The following EPB41L2 variants were observed in gnomAD, a reference collection of about 807,000 sequenced individuals.
EPB41L2 encodes the protein erythrocyte membrane protein band 4.1 like 2, also known as band 4.1-like protein 2.
Under a neutral mutation model 113.0 loss-of-function variants are expected in EPB41L2, and 43 were observed. That is an observed-to-expected ratio of 0.38 (90% CI 0.30 to 0.49). The LOEUF (loss-of-function observed/expected upper bound fraction) is 0.49. Ranked by LOEUF, EPB41L2 falls within the 20% of genes least tolerant of loss-of-function variation. EPB41L2 has a pLI of 0.95. For missense variants in EPB41L2, 1,147 were observed against 1,223.4 expected (o/e 0.94, Z 0.93); for synonymous variants, 442 against 436.7 (o/e 1.01, Z -0.15).
intron 19 of EPB41L2, among the ~76,000 whole-genome samples, chr6:130,849,188 C>T (rs1778020664): frequency 6.6e-6 from 1 of 152,200 alleles, no homozygotes; most frequent in Non-Finnish European, 1.5e-5. Context: ...GCCACACCTA[C>T]TAAGCTCCAG....
rs1015825386 is a variant in EPB41L2 at position 130,939,884 on chromosome 6, T to C, written c.706-13175A>G. 7.9e-5 allele frequency among the ~76,000 whole-genome samples: 12 copies of C among 152,326 alleles called. No homozygotes were observed. The South Asian group carries it at 2.3e-3, about 29-fold the overall frequency. On this transcript the variant is annotated intron_variant, in intron 3 of 19. Transcript: ENST00000337057. ...TGCTCATCGTTCAACTTTTATTAAG[T>C]AGAAAATAGACTTCCAATTAAAGAT...
chr6:130,880,636 A>G, intron 12 of EPB41L2: 1 of 466,236 alleles, frequency 2.1e-6, no homozygotes, highest in Admixed American at 3.9e-5. Context: ...GCAGAATATT[A>G]AGCCTCTTTG....
Position 131,051,465 on chromosome 6 carries a change from A to AAAACAC in EPB41L2, c.-15+11689_-15+11690insGTGTTT, listed in dbSNP as rs770424797. Among the ~76,000 whole-genome samples the AAAACAC allele has an allele frequency of 1.3e-4, 18 of 143,636 alleles. No individual in the cohort carries two copies. The East Asian group carries it at 3.3e-3, about 26-fold the overall frequency. 94.2% of individuals were successfully genotyped at this position (143,636 alleles called of 152,430 possible). ...ACAAAAGTAAAGCAAAAAAAAAAAA[A>AAAACAC]ACACACACACACACACACACAACAG... On this transcript the variant is annotated intron_variant, in intron 1 of 19. Transcript: ENST00000337057.
At chr6:131,054,140 C>T (rs192259497) in intron 1 of EPB41L2, among the ~76,000 whole-genome samples, 23 of 152,340 alleles carry the variant, frequency 1.5e-4, no homozygotes, top group Non-Finnish European at 3.1e-4. Context: ...AGGCCTGTAG[C>T]TAGAATCCAT....
At chr6:130,900,256 TG>T (rs1795931299) in intron 7 of EPB41L2, among the ~76,000 whole-genome samples, 1 of 152,042 alleles carries the variant, frequency 6.6e-6, no homozygotes, top group Non-Finnish European at 1.5e-5. Flanking sequence ...GAAAAATCAA[TG>T]AATGTGGCCT....
rs773864171 is a variant in EPB41L2 at position 130,894,946 on chromosome 6, A to G, written c.1389+21T>C. On this transcript the variant is annotated intron_variant, in intron 9 of 19. Coordinates refer to ENST00000337057, the MANE Select transcript of EPB41L2 (RefSeq NM_001431.4). ...TAAACAGGCCGACTAACAACAACTG[A>G]TTAGAAATGTCTTGGCTTACCTCTG... 6 of 1,606,222 alleles carry G rather than the reference A, an allele frequency of 3.7e-6. No homozygotes were observed. The African/African-American group carries it at 4.0e-5, about 11-fold the overall frequency.
intron 3 of EPB41L2, among the ~76,000 whole-genome samples, chr6:130,931,745 G>C (rs1160950530): frequency 3.3e-5 from 5 of 152,082 alleles, no homozygotes; most frequent in Admixed American, 2.0e-4. Flanking sequence ...AAAATGTACA[G>C]GGGCATGTAA....
At chr6:130,865,857 AGAG>A in intron 16 of EPB41L2, 1 of 517,772 alleles carries the variant, frequency 1.9e-6, no homozygotes, top group Non-Finnish European at 3.4e-6. Context: ...TGGAGAAAAG[AGAG>A]GAGAATGGAC....
chr6:130,879,636 T>C (rs1788634676), intron 13 of EPB41L2, among the ~76,000 whole-genome samples: 2 of 152,208 alleles, frequency 1.3e-5, no homozygotes, highest in Non-Finnish European at 1.5e-5. Flanking sequence ...AAATAATTTC[T>C]TTAATTAGCA....
At chr6:130,850,402 T>C (rs1192657945) in intron 19 of EPB41L2, among the ~76,000 whole-genome samples, 1 of 152,190 alleles carries the variant, frequency 6.6e-6, no homozygotes, top group East Asian at 1.9e-4. Flanking sequence ...TAAATGCCCA[T>C]TAATAGGGGT....
At position 131,043,652 on chromosome 6, in the gene EPB41L2, G is replaced by A. The variant is rs140261542; in HGVS notation, c.-15+19503C>T. 3.9e-5 allele frequency among the ~76,000 whole-genome samples: 6 copies of A among 152,308 alleles called. No individual in the cohort carries two copies. The East Asian group carries it at 9.6e-4, about 24-fold the overall frequency. On this transcript the variant is annotated intron_variant, in intron 1 of 19. Transcript: ENST00000337057. ...TGAAGAGACCTATCACAATCGCAAT[G>A]TATGTACCTAACTTGGATCCTGATT...
chr6:130,865,530 C>T lies in EPB41L2; in HGVS notation c.2829+6G>A. The T allele has an allele frequency of 1.9e-6, 3 of 1,613,886 alleles. No homozygotes were observed. Among genetic ancestry groups the T allele is most frequent in the Non-Finnish European group, 2.5e-6 (3 of 1,179,832 alleles). On this transcript the variant is annotated splice_donor_region_variant and intron_variant, in intron 17 of 19. Transcript: ENST00000337057. Reference sequence around the variant, plus strand: ...CCTCTCCATATGATCCCCTGCATTGCTTTACCTTGGTGATGTGTGTGGTTG... The same window carrying T: ...CCTCTCCATATGATCCCCTGCATTGTTTTACCTTGGTGATGTGTGTGGTTG...
Position 130,870,132 on chromosome 6 carries a change from C to T in EPB41L2, c.2044-6G>A, listed in dbSNP as rs771080304. 3 of 1,582,594 alleles carry T rather than the reference C, an allele frequency of 1.9e-6. No homozygotes were observed. Among genetic ancestry groups the T allele is most frequent in the Middle Eastern group, 1.7e-4 (1 of 5,864 alleles). ...TTCAGAGTCTCATGTGAACTCTGTACAAAAAAAGATGGATGAGGGAAAACA... is the reference window on the plus strand; with the variant it reads ...TTCAGAGTCTCATGTGAACTCTGTATAAAAAAAGATGGATGAGGGAAAACA... On this transcript the variant is annotated splice_polypyrimidine_tract_variant and splice_region_variant and intron_variant, in intron 14 of 19. Coordinates refer to ENST00000337057, the MANE Select transcript of EPB41L2 (RefSeq NM_001431.4).
chr6:130,947,269 A>C (rs1813257910), intron 3 of EPB41L2, among the ~76,000 whole-genome samples: 1 of 152,174 alleles, frequency 6.6e-6, no homozygotes, highest in Admixed American at 6.5e-5. Flanking sequence ...GACTTCCTGC[A>C]CAGCCCATGC....
chr6:130,895,751 A>G (rs1794454607), intron 8 of EPB41L2, among the ~76,000 whole-genome samples: 2 of 152,210 alleles, frequency 1.3e-5, no homozygotes, highest in Non-Finnish European at 2.9e-5. Flanking sequence ...CACGTTTCAA[A>G]GGACTGCAGA....
intron 1 of EPB41L2, among the ~76,000 whole-genome samples, chr6:130,973,754 GC>G (rs915389301): frequency 6.6e-6 from 1 of 152,088 alleles, no homozygotes; most frequent in African/African-American, 2.4e-5. Context: ...CCTCCCCACT[GC>G]CTTTCTAGAT....
intron 1 of EPB41L2, among the ~76,000 whole-genome samples, chr6:130,998,562 C>T (rs1783663127): frequency 6.6e-6 from 1 of 152,068 alleles, no homozygotes; most frequent in Admixed American, 6.5e-5. Context: ...AATCAGGATA[C>T]TAAACTGATT....
intron 3 of EPB41L2, among the ~76,000 whole-genome samples, chr6:130,948,241 T>A (rs957663877): frequency 3.3e-5 from 5 of 152,220 alleles, no homozygotes; most frequent in Non-Finnish European, 5.9e-5. Context: ...AAGACTAAAC[T>A]GCTGCTTTTC....
intron 19 of EPB41L2, among the ~76,000 whole-genome samples, chr6:130,845,591 G>C (rs1411239169): frequency 2.6e-5 from 4 of 152,054 alleles, no homozygotes; most frequent in Non-Finnish European, 5.9e-5. Flanking sequence ...ATACTGCCCA[G>C]TCTGGTCTCG....
Sources: gnomAD v4.1 joint callset for allele counts (sites outside exome capture counted in the v4.1 genomes callset) on GRCh38, gnomAD v4.1.1 for gene constraint, MANE v1.5 for transcripts, NCBI Gene and HGNC (gene_info 2026-07-23, HGNC 2026-07-21) for gene names.